The following ABCA13 variants were observed in gnomAD, a reference collection of about 807,000 sequenced individuals.
ABCA13 encodes the protein ATP-binding cassette sub-family A member 13.
ABCA13 carries 476 observed loss-of-function variants against 478.7 expected under a neutral mutation model. That is an observed-to-expected ratio of 0.99 (90% CI 0.92 to 1.07). The LOEUF (loss-of-function observed/expected upper bound fraction) is 1.07, where lower values mean the gene tolerates loss of function less well. Ranked by LOEUF, ABCA13 falls within the 50% of genes least tolerant of loss-of-function variation. The pLI is 0.00. For missense variants in ABCA13, 6,060 were observed against 5,910.6 expected, an observed-to-expected ratio of 1.03 and a Z score of -0.83; for synonymous variants, 2,252 against 2,158.9, an observed-to-expected ratio of 1.04 and a Z score of -1.20.
chr7:48,171,696 T>C, intron 1 of ABCA13, 144 bp downstream of exon 1: 3 of 881,100 alleles, frequency 3.4e-6, no homozygotes, highest in Non-Finnish European at 5.3e-6. Context: ...TTATTTTAAA[T>C]CAAAACCCGT....
In ABCA13 at chr7:48,387,836, C is replaced by T. The variant is rs373647440; in HGVS notation, c.11350C>T (p.Arg3784Trp). 124 of 1,581,256 alleles carry T rather than the reference C, an allele frequency of 7.8e-5. 1 individual carries two copies. In the South Asian group the frequency reaches 1.1e-3, roughly 13 times the overall value. Residue 3784 changes from arginine to tryptophan, a missense_variant, in exon 36 of 62, where the codon CGG (arginine) becomes TGG (tryptophan). Arg to Trp is a moderately radical substitution (Grantham distance 101, BLOSUM62 -3). Coordinates refer to ENST00000435803, the MANE Select transcript of ABCA13 (RefSeq NM_152701.5). Reference protein sequence around the residue: ...SNLIPGTFGLRKPWYFPFTAS... With the variant: ...SNLIPGTFGLWKPWYFPFTAS... ...TCATTTTTTAGGAACATTTGGTTTA[C>T]GGAAACCATGGTATTTCCCCTTTAC...
intron 40 of ABCA13, among the ~76,000 whole-genome samples, chr7:48,410,885 A>T (rs1299483292): frequency 6.6e-6 from 1 of 152,250 alleles, no homozygotes; most frequent in Admixed American, 6.5e-5. Context: ...GAGAAAATAC[A>T]TGAGGAGTCA....
chr7:48,446,464 C>T (rs1269337677), intron 42 of ABCA13, among the ~76,000 whole-genome samples: 2 of 150,656 alleles, frequency 1.3e-5, no homozygotes, highest in East Asian at 3.9e-4. Context: ...GCTCTATGAT[C>T]TGCCACTACC....
chr7:48,246,530 ATTC>A (rs1328790724), intron 13 of ABCA13, among the ~76,000 whole-genome samples: 5 of 152,152 alleles, frequency 3.3e-5, no homozygotes, highest in Non-Finnish European at 7.3e-5. Context: ...TTCCAGCCCT[ATTC>A]TTCTTACTGA....
chr7:48,477,958 A>AT (rs1433253660), intron 45 of ABCA13, among the ~76,000 whole-genome samples: 1 of 151,662 alleles, frequency 6.6e-6, no homozygotes, highest in Non-Finnish European at 1.5e-5. Context: ...AATAATTGGA[A>AT]TTTTTTTTAG....
chr7:48,554,325 T>C (rs372845604), intron 55 of ABCA13, among the ~76,000 whole-genome samples: 7 of 152,054 alleles, frequency 4.6e-5, no homozygotes, highest in East Asian at 1.9e-4. Flanking sequence ...TGTGGTTTCA[T>C]ATAAATTTTA....
intron 42 of ABCA13, among the ~76,000 whole-genome samples, chr7:48,438,004 T>G (rs1823070643): frequency 6.6e-6 from 1 of 152,112 alleles, no homozygotes. Context: ...CCCATACGCC[T>G]GCACTCCTCC....
At chr7:48,285,911 A>G (rs1797673162) in intron 19 of ABCA13, among the ~76,000 whole-genome samples, 3 of 152,364 alleles carry the variant, frequency 2.0e-5, no homozygotes, top group Non-Finnish European at 2.9e-5. Context: ...TTAGTAAAAT[A>G]AGATTAATGA....
chr7:48,378,364 C>T (rs569639231), intron 35 of ABCA13, among the ~76,000 whole-genome samples: 172 of 152,166 alleles, frequency 1.1e-3, no homozygotes, highest in African/African-American at 4.0e-3. Context: ...TCAATGAGGT[C>T]AACTTGAGGC....
chr7:48,508,269 G>C (rs1831386134), intron 50 of ABCA13, among the ~76,000 whole-genome samples: 1 of 152,106 alleles, frequency 6.6e-6, no homozygotes, highest in Admixed American at 6.5e-5. Flanking sequence ...CTGGAGAACT[G>C]GGAAATTATA....
At chr7:48,198,551 C>A (rs1440096836) in intron 3 of ABCA13, among the ~76,000 whole-genome samples, 191 bp downstream of exon 3, 1 of 152,232 alleles carries the variant, frequency 6.6e-6, no homozygotes, top group African/African-American at 2.4e-5. Context: ...AGCAGGAGAT[C>A]TTTCCACTGT....
At position 48,272,909 on chromosome 7, in the gene ABCA13, A is replaced by C; in HGVS notation, c.3243A>C (p.Gln1081His). Reference sequence around the variant, plus strand: ...AAGATTTTCGTATTTCTTTATTTCAATATATGAGCCAATTCTTCAACAGTT... The same window carrying C: ...AAGATTTTCGTATTTCTTTATTTCACTATATGAGCCAATTCTTCAACAGTT... The part of the protein sequence containing the change: ...IDEDFRISLF[Q>H]YMSQFFNSSV... Residue 1081 changes from glutamine (Q) to histidine (H), a missense_variant, in exon 17 of 62, where the codon CAA becomes CAC. Coordinates refer to ENST00000435803, the MANE Select transcript of ABCA13 (RefSeq NM_152701.5). The C allele has an allele frequency of 6.2e-7, 1 of 1,612,004 alleles. No homozygotes were observed. The highest frequency in any genetic ancestry group is 8.5e-7 in the Non-Finnish European group (1 of 1,178,822).
Position 48,240,898 on chromosome 7 carries a change from T to C in ABCA13, c.1094T>C (p.Leu365Pro), listed in dbSNP as rs1790730277. 12 of 1,594,376 alleles carry C rather than the reference T, an allele frequency of 7.5e-6. No individual in the cohort carries two copies. Among genetic ancestry groups the C allele is most frequent in the Non-Finnish European group, 1.0e-5 (12 of 1,168,076 alleles). The change falls in exon 10 of 62, where the codon CTT (leucine) becomes CCT (proline). Residue 365 changes from leucine (L) to proline (P), a missense_variant. By Grantham distance (98) the Leu-to-Pro change is moderately conservative. Around this residue, in one of 3 missense-constraint regions of ABCA13, gnomAD observed 4,423 missense variants for 4,309.1 expected, o/e 1.03. Transcript: ENST00000435803. ...GTTCAGTGGCAACAGGGTAGCCTGC[T>C]TCAGAAGACACTCACAGGCATGGGC... ...VFVQWQQGSL[L>P]QKTLTGMGHS...
At chr7:48,618,587 G>T (rs1301184602) in intron 59 of ABCA13, among the ~76,000 whole-genome samples, 1 of 152,182 alleles carries the variant, frequency 6.6e-6, no homozygotes, top group Non-Finnish European at 1.5e-5. Context: ...AGGAGGCAGA[G>T]GGCAGCTGGA....
At chr7:48,586,160 T>C (rs2131389320) in intron 56 of ABCA13, among the ~76,000 whole-genome samples, 1 of 152,244 alleles carries the variant, frequency 6.6e-6, no homozygotes, top group East Asian at 1.9e-4. Flanking sequence ...CCGCAGGCTC[T>C]TGGGTACAGT....
chr7:48,445,633 C>G (rs1482542911), intron 42 of ABCA13, among the ~76,000 whole-genome samples: 1 of 152,278 alleles, frequency 6.6e-6, no homozygotes. Context: ...CTTCAACTTG[C>G]CAGACCAAGT....
chr7:48,379,802 A>G (rs1232371997), intron 35 of ABCA13, among the ~76,000 whole-genome samples: 2 of 152,264 alleles, frequency 1.3e-5, no homozygotes, highest in Non-Finnish European at 2.9e-5. Context: ...AGTGAATAAA[A>G]GAATGATATT....
At chr7:48,306,287 A>G (rs1390882371) in intron 23 of ABCA13, among the ~76,000 whole-genome samples, 1 of 152,174 alleles carries the variant, frequency 6.6e-6, no homozygotes, top group African/African-American at 2.4e-5. Context: ...ACTAGACTCT[A>G]AAAAACGTAT....
At chr7:48,396,672 T>C (rs539592143) in intron 38 of ABCA13, among the ~76,000 whole-genome samples, 13 of 152,336 alleles carry the variant, frequency 8.5e-5, no homozygotes, top group African/African-American at 2.4e-4. Flanking sequence ...CGGACCCTCA[T>C]TGGGGATTCC....
Sources: gnomAD v4.1 joint callset for allele counts (sites outside exome capture counted in the v4.1 genomes callset) on GRCh38, gnomAD v4.1.1 for gene constraint, gnomAD v4.1.1 regional missense constraint, MANE v1.5 for transcripts, NCBI Gene and HGNC (gene_info 2026-07-23, HGNC 2026-07-21) for gene names.